The following TMEM67 variants were observed in gnomAD, a reference collection of about 807,000 sequenced individuals.
The protein encoded by TMEM67 is meckelin.
In TMEM67, 124 loss-of-function variants were observed where a neutral mutation model predicts 136.6. That is an observed-to-expected ratio of 0.91 (90% confidence interval 0.78 to 1.05). The LOEUF is 1.05. Ranked by LOEUF, TMEM67 falls within the 50% of genes least tolerant of loss-of-function variation. The probability of loss-of-function intolerance (pLI) is 0.00; values close to 1 mark genes in which losing one functional copy is unlikely to be tolerated. For synonymous variants in TMEM67, 364 were observed against 390.5 expected (o/e 0.93, Z 0.80); for missense variants, 1,107 against 1,178.4 (o/e 0.94, Z 0.89).
chr8:93,759,931 A>G (rs1227987700), intron 3 of TMEM67: 2 of 1,533,796 alleles, frequency 1.3e-6, no homozygotes, highest in South Asian at 2.5e-5. Flanking sequence ...TACAGGCTTG[A>G]GCCACCGCAC....
chr8:93,802,852 G>T (rs1474476027), intron 21 of TMEM67, among the ~76,000 whole-genome samples: 1 of 152,156 alleles, frequency 6.6e-6, no homozygotes, highest in African/African-American at 2.4e-5. Flanking sequence ...TGCATTTTAT[G>T]TATTGGATGC....
At chr8:93,778,039 G>A (rs554537538) in intron 7 of TMEM67, among the ~76,000 whole-genome samples, 21 of 152,306 alleles carry the variant, frequency 1.4e-4, no homozygotes, top group African/African-American at 4.8e-4. Context: ...GGGTGCTCCT[G>A]TATTGGGTGC....
the TMEM67 span, among the ~76,000 whole-genome samples, chr8:93,830,971 C>T: frequency 6.6e-6 from 1 of 152,224 alleles, no homozygotes; most frequent in Admixed American, 6.5e-5. Context: ...GGGTCTGGAC[C>T]TTCCTCAGCT....
Position 93,817,966 on chromosome 8 carries a change from T to C in TMEM67, c.*1514T>C, listed in dbSNP as rs573209438. On this transcript the variant is annotated 3_prime_UTR_variant, in exon 28 of 28. Transcript: ENST00000453321. ...ATCATTCAACATAGAAGAAGTTAAT[T>C]TTAGTGCAAAAGTTTTTAAGTATTA... 6.6e-6 allele frequency: 1 copy of C among 152,344 alleles called. No homozygotes were observed. The highest frequency in any genetic ancestry group is 1.9e-4 in the East Asian group (1 of 5,184). 9.4% of individuals were successfully genotyped at this position (152,344 alleles called of 1,614,324 possible). A position where few individuals can be genotyped will look rare whatever the true frequency, so the allele number is the denominator to read the frequency against.
rs1814095348 is a variant in TMEM67, at chr8:93,786,292, A to G, written c.1358A>G (p.Asn453Ser). The G allele has an allele frequency of 6.2e-7, 1 of 1,613,950 alleles. No individual in the cohort carries two copies. Among genetic ancestry groups the G allele is most frequent in the Admixed American group, 1.7e-5 (1 of 59,994 alleles). The part of the protein sequence containing the change: ...FLVDAVSGRE[N>S]DLGTQPRVIR... ...GTGGATGCAGTAAGTGGACGAGAAA[A>G]TGACTTAGGAACTCAGCCAAGAGTA... The change falls in exon 13 of 28, where the codon AAT (asparagine) becomes AGT (serine). Residue 453 changes from asparagine to serine, a missense_variant. Asn to Ser is a conservative substitution (Grantham distance 46). Coordinates refer to ENST00000453321, the MANE Select transcript of TMEM67 (RefSeq NM_153704.6).
chr8:93,755,194 C>T (rs1381061079), intron 1 of TMEM67, 57 bp downstream of exon 1: 4 of 1,480,010 alleles, frequency 2.7e-6, no homozygotes, highest in Non-Finnish European at 3.8e-6. Flanking sequence ...TGGTCGGCCC[C>T]TAGTCCCCGT....
chr8:93,793,443 G>A (rs1814474956), intron 16 of TMEM67, 147 bp downstream of exon 16: 2 of 694,230 alleles, frequency 2.9e-6, no homozygotes, highest in South Asian at 3.3e-5. Context: ...GGGTCATATG[G>A]TATATGTGTA....
chr8:93,831,930 G>A, the TMEM67 span, among the ~76,000 whole-genome samples: 9 of 152,146 alleles, frequency 5.9e-5, no homozygotes, highest in Non-Finnish European at 1.3e-4. Context: ...GCTGAAAGTC[G>A]GGAGTAATGG....
chr8:93,774,468 C>T (rs533072709), intron 7 of TMEM67, among the ~76,000 whole-genome samples: 3 of 152,198 alleles, frequency 2.0e-5, no homozygotes, highest in Admixed American at 2.0e-4. Flanking sequence ...CCCATTAACT[C>T]GTCATTTACA....
rs762843160 is a variant in TMEM67 at position 93,759,653 on chromosome 8, GT to G, written c.406+1090del. Among the ~76,000 whole-genome samples the G allele has an allele frequency of 4.4e-3, 607 of 138,282 alleles. 7 individuals are homozygous for G. Among genetic ancestry groups the G allele is most frequent in the Admixed American group, 0.033 (460 of 13,736 alleles). The allele number at this position is 138,282 out of a possible 152,430, so 90.7% of individuals were successfully genotyped here. On this transcript the variant is annotated intron_variant, in intron 3 of 27. Coordinates refer to ENST00000453321, the MANE Select transcript of TMEM67 (RefSeq NM_153704.6). ...TTTTTTAATTTTAATTTTTATTTTT[GT>G]TTTTTTTTTTTTGAGACAGAGTTTT...
Position 93,799,738 on chromosome 8 carries a change from C to G in TMEM67, c.2221C>G (p.Leu741Val). 6.2e-7 allele frequency: 1 copy of G among 1,613,644 alleles called. No homozygotes were observed. Among genetic ancestry groups the G allele is most frequent in the East Asian group, 2.2e-5 (1 of 44,844 alleles). ...LRYAVSAALW[L>V]AIGIIQVVFF... ...ATATGCAGTGTCTGCTGCTCTTTGGCTAGCCATTGGAATTATACAGGTAAG... is the reference window on the plus strand; with the variant it reads ...ATATGCAGTGTCTGCTGCTCTTTGGGTAGCCATTGGAATTATACAGGTAAG... Residue 741 changes from leucine to valine, a missense_variant, in exon 21 of 28, where the codon CTA (leucine) becomes GTA (valine). Coordinates refer to ENST00000453321, the MANE Select transcript of TMEM67 (RefSeq NM_153704.6).
At chr8:93,798,379 C>T (rs530687930) in intron 20 of TMEM67, among the ~76,000 whole-genome samples, 27 of 152,306 alleles carry the variant, frequency 1.8e-4, no homozygotes, top group South Asian at 8.3e-4. Flanking sequence ...ATTAGAATCA[C>T]TATTATAAGT....
chr8:93,785,146 C>T, intron 11 of TMEM67, 76 bp from the exon 12 acceptor site: 1 of 932,270 alleles, frequency 1.1e-6, no homozygotes, highest in Non-Finnish European at 1.7e-6. Flanking sequence ...CAATTGTGAT[C>T]TTTTATTTTA....
At chr8:93,764,501 AACACAC>A (rs5893257) in intron 4 of TMEM67, among the ~76,000 whole-genome samples, 6 of 149,924 alleles carry the variant, frequency 4.0e-5, no homozygotes, top group African/African-American at 1.2e-4. Context: ...GTATTTGTGA[AACACAC>A]ACACACACAC....
chr8:93,775,686 G>A (rs554940226), intron 7 of TMEM67, among the ~76,000 whole-genome samples: 11 of 152,206 alleles, frequency 7.2e-5, no homozygotes, highest in African/African-American at 2.4e-4. Flanking sequence ...TATTTCTGAG[G>A]CCTCTGTTCT....
At chr8:93,832,055 G>A in the TMEM67 span, among the ~76,000 whole-genome samples, 1 of 152,012 alleles carries the variant, frequency 6.6e-6, no homozygotes, top group Admixed American at 6.6e-5. Flanking sequence ...TTCCTTTTAG[G>A]CCCTGGCCTG....
intron 7 of TMEM67, among the ~76,000 whole-genome samples, chr8:93,776,017 C>A (rs1191527648): frequency 6.6e-6 from 1 of 152,152 alleles, no homozygotes; most frequent in Admixed American, 6.6e-5. Flanking sequence ...TTTGTGTCCT[C>A]CTTTATTTCA....
At chr8:93,772,956 A>T (rs1050633955) in intron 7 of TMEM67, among the ~76,000 whole-genome samples, 1 of 152,184 alleles carries the variant, frequency 6.6e-6, no homozygotes, top group African/African-American at 2.4e-5. Flanking sequence ...ATCAGGTTAG[A>T]TATTTCAGAA....
At chr8:93,827,190 A>T in the TMEM67 span, among the ~76,000 whole-genome samples, 1 of 152,196 alleles carries the variant, frequency 6.6e-6, no homozygotes, top group East Asian at 1.9e-4. Context: ...CAGAATTTAT[A>T]AAAAGTACAT....
Sources: allele counts gnomAD v4.1 joint callset (sites outside exome capture counted in the v4.1 genomes callset), GRCh38; gene constraint gnomAD v4.1.1; transcripts MANE v1.5; gene names NCBI Gene and HGNC (gene_info 2026-07-23, HGNC 2026-07-21).